TMF1: variants seen among roughly 807,000 people sequenced by gnomAD.
TMF1 encodes the protein TATA element modulatory factor 1.
Under a neutral mutation model 126.5 loss-of-function variants are expected in TMF1, and 71 were observed. The ratio of observed to expected loss-of-function variants is 0.56; its 90% CI spans 0.46 to 0.68. The LOEUF (loss-of-function observed/expected upper bound fraction) is 0.68. Among genes scored for constraint, TMF1 ranks in the 30% least tolerant of loss-of-function variants. The probability of loss-of-function intolerance (pLI) is 0.00; values close to 1 mark genes in which losing one functional copy is unlikely to be tolerated. For synonymous variants in TMF1, 461 were observed against 430.5 expected (o/e 1.07, Z -0.88); for missense variants, 1,259 against 1,253.2 (o/e 1.00, Z -0.07).
At chr3:69,038,815 T>G (rs370837315) in intron 7 of TMF1, 28 bp downstream of exon 7, 6 of 1,583,610 alleles carry the variant, frequency 3.8e-6, no homozygotes, top group Middle Eastern at 3.4e-4. Context: ...TCATTCTAAA[T>G]GGGTTGCATA....
At chr3:69,036,796 TA>T (rs2091833889) in intron 8 of TMF1, among the ~76,000 whole-genome samples, 1 of 152,196 alleles carries the variant, frequency 6.6e-6, no homozygotes, top group South Asian at 2.1e-4. Flanking sequence ...GCAAAAGACC[TA>T]AATGTGAGAG....
chr3:69,032,044 T>C (rs2091806128), intron 10 of TMF1, among the ~76,000 whole-genome samples: 1 of 152,248 alleles, frequency 6.6e-6, no homozygotes, highest in African/African-American at 2.4e-5. Context: ...AAGGTTTATC[T>C]AATTCAGTTC....
intron 1 of TMF1, among the ~76,000 whole-genome samples, chr3:69,049,994 T>TCA (rs2091917214): frequency 6.6e-6 from 1 of 152,138 alleles, no homozygotes; most frequent in Non-Finnish European, 1.5e-5. Flanking sequence ...GCGCAGTGGC[T>TCA]CACGCTTGTA....
Position 69,047,591 on chromosome 3 carries a change from A to T in TMF1, c.1114T>A (p.Ser372Thr). 1 of 1,614,154 alleles carries T rather than the reference A, an allele frequency of 6.2e-7. No individual in the cohort carries two copies. The highest frequency in any genetic ancestry group is 8.5e-7 in the Non-Finnish European group (1 of 1,180,036). ...ACTTCTTCAGATTTTCCTTCAGCAG[A>T]TTCAACTGTTTTAGACTTTGGAGTT... is the stretch of plus-strand genomic sequence containing the variant. Reference protein sequence around the residue: ...SSTPKSKTVESAEGKSEEVNE... With the variant: ...SSTPKSKTVETAEGKSEEVNE... Residue 372 changes from serine to threonine, a missense_variant, in exon 2 of 17, where the codon TCT (serine) becomes ACT (threonine). By Grantham distance (58) the Ser-to-Thr change is moderately conservative. Coordinates refer to ENST00000398559, the MANE Select transcript of TMF1 (RefSeq NM_007114.3).
chr3:69,042,949 G>T (rs1294542542), intron 4 of TMF1, 37 bp from the exon 5 acceptor site: 7 of 1,409,660 alleles, frequency 5.0e-6, no homozygotes, highest in Non-Finnish European at 7.0e-6. Flanking sequence ...CGTAAAGAAT[G>T]ACTTTCACTC....
At chr3:69,046,645 C>A (rs1340267087) in intron 2 of TMF1, among the ~76,000 whole-genome samples, 1 of 152,094 alleles carries the variant, frequency 6.6e-6, no homozygotes, top group Non-Finnish European at 1.5e-5. Context: ...ACAGTAAAAA[C>A]CAAAACTAGG....
chr3:69,029,039 TTTA>T (rs2107456705), intron 11 of TMF1, among the ~76,000 whole-genome samples: 1 of 129,138 alleles, frequency 7.7e-6, no homozygotes, highest in East Asian at 2.7e-4. Context: ...TATTACTTTA[TTTA>T]TTTTTTTTTT....
At chr3:69,029,741 C>T (rs935299916) in intron 11 of TMF1, 74 bp downstream of exon 11, 2 of 1,422,672 alleles carry the variant, frequency 1.4e-6, no homozygotes, top group East Asian at 2.3e-5. Context: ...GCGCCCGGCC[C>T]AACAACATAC....
chr3:69,030,715 C>G (rs2091796377), intron 10 of TMF1: 1 of 151,990 alleles, frequency 6.6e-6, no homozygotes, highest in Non-Finnish European at 1.5e-5. Context: ...GGAAAAAATA[C>G]AAATTAAAAT....
chr3:69,045,586 C>T (rs891463495), intron 2 of TMF1, among the ~76,000 whole-genome samples: 1 of 152,002 alleles, frequency 6.6e-6, no homozygotes, highest in East Asian at 1.9e-4. Context: ...TCAAGACCAG[C>T]CTGACCAACA....
intron 1 of TMF1, 141 bp downstream of exon 1, chr3:69,051,804 C>A: frequency 1.0e-6 from 1 of 995,000 alleles, no homozygotes; most frequent in Non-Finnish European, 1.4e-6. Flanking sequence ...GCTGAAGCAG[C>A]ATTAGGGAAC....
At chr3:69,041,352 A>G (rs934958243) in intron 5 of TMF1, among the ~76,000 whole-genome samples, 1 of 152,212 alleles carries the variant, frequency 6.6e-6, no homozygotes, top group Non-Finnish European at 1.5e-5. Flanking sequence ...AGAGTGTCAT[A>G]CTTATTATTG....
Position 69,020,418 on chromosome 3 carries a change from G to A in TMF1, c.*2759C>T, listed in dbSNP as rs1286203392. On this transcript the variant is annotated 3_prime_UTR_variant, in exon 17 of 17. Transcript: ENST00000398559. ...AATTGGAAGGACATCTACAGTCTGT[G>A]CTTAATTGTCTATAAATGACCAAAC... 1.3e-5 allele frequency: 2 copies of A among 152,110 alleles called. No individual in the cohort carries two copies. The highest frequency in any genetic ancestry group is 2.9e-5 in the Non-Finnish European group (2 of 67,982). The allele number at this position is 152,110 out of a possible 1,614,324, so 9.4% of individuals were successfully genotyped here.
Position 69,021,765 on chromosome 3 carries a change from C to T in TMF1, c.*1412G>A, listed in dbSNP as rs952666621. 4.0e-5 allele frequency: 6 copies of T among 151,696 alleles called. No homozygotes were observed. The highest frequency in any genetic ancestry group is 1.5e-4 in the African/African-American group (6 of 41,262). 9.4% of individuals were successfully genotyped at this position (151,696 alleles called of 1,614,324 possible). ...GCACAATCTTGGCTCATTGTAACCTCCACCTCCCAGGTTCAAGCAATGCTC... is the reference window on the plus strand; with the variant it reads ...GCACAATCTTGGCTCATTGTAACCTTCACCTCCCAGGTTCAAGCAATGCTC... On this transcript the variant is annotated 3_prime_UTR_variant, in exon 17 of 17. Coordinates refer to ENST00000398559, the MANE Select transcript of TMF1 (RefSeq NM_007114.3).
chr3:69,035,036 C>T lies in TMF1; in HGVS notation c.2231G>A (p.Gly744Asp). Residue 744 changes from glycine to aspartate, a missense_variant, in exon 9 of 17, where the codon GGT becomes GAT. Coordinates refer to ENST00000398559, the MANE Select transcript of TMF1 (RefSeq NM_007114.3). ...RKEDYLRHEI[G>D]ELQQRLQEAE... is the part of the protein sequence containing the mutation. ...CTGTGACAGTACCTGCTGAAGTTCA[C>T]CGATCTCATGGCGTAAATAATCCTC... is the stretch of plus-strand genomic sequence containing the variant. The T allele has an allele frequency of 1.2e-6, 2 of 1,614,070 alleles. No individual in the cohort carries two copies. Among genetic ancestry groups the T allele is most frequent in the South Asian group, 1.1e-5 (1 of 91,076 alleles).
Position 69,023,254 on chromosome 3 carries a change from G to A in TMF1, c.3205C>T (p.Leu1069Phe), listed in dbSNP as rs1251565436. The A allele has an allele frequency of 5.6e-6, 9 of 1,612,038 alleles. No individual in the cohort carries two copies. Among genetic ancestry groups the A allele is most frequent in the Non-Finnish European group, 7.6e-6 (9 of 1,178,702 alleles). The change falls in exon 17 of 17, where the codon CTT (leucine) becomes TTT (phenylalanine). Residue 1069 changes from leucine (L) to phenylalanine (F), a missense_variant. Coordinates refer to ENST00000398559, the MANE Select transcript of TMF1 (RefSeq NM_007114.3). The part of the protein sequence containing the change: ...YGEKAEEAEE[L>F]RLDLEDVKNM... ...TTTACATCTTCGAGATCTAATCGAAGTTCTTCTGCCTCTTCTGCTTTTTCT... is the reference window on the plus strand; with the variant it reads ...TTTACATCTTCGAGATCTAATCGAAATTCTTCTGCCTCTTCTGCTTTTTCT...
At chr3:69,039,107 AT>A in intron 6 of TMF1, 98 bp from the exon 7 acceptor site, 9 of 1,036,518 alleles carry the variant, frequency 8.7e-6, no homozygotes, top group South Asian at 2.2e-5. Context: ...AAAAATATAT[AT>A]TTTTTTGAGA....
Position 69,048,438 on chromosome 3 carries a change from C to T in TMF1, c.267G>A (p.Val89=). Residue 89 remains valine (V), a synonymous_variant, in exon 2 of 17, where the codon GTG becomes GTA. Coordinates refer to ENST00000398559, the MANE Select transcript of TMF1 (RefSeq NM_007114.3). The part of the protein sequence containing the change: ...KAITKPVRRT[V]VDESENFFSA... ...TGAAGAAATTTTCAGATTCATCGAC[C>T]ACAGTCCTCCGAACTGGCTTTGTGA... 1 of 1,614,126 alleles carries T rather than the reference C, an allele frequency of 6.2e-7. No individual in the cohort carries two copies. Among genetic ancestry groups the T allele is most frequent in the Non-Finnish European group, 8.5e-7 (1 of 1,180,034 alleles).
chr3:69,043,863 C>G lies in TMF1; in HGVS notation c.1465G>C (p.Val489Leu). 6.2e-7 allele frequency: 1 copy of G among 1,604,142 alleles called. No homozygotes were observed. The highest frequency in any genetic ancestry group is 8.5e-7 in the Non-Finnish European group (1 of 1,175,944). ...FDNLKDEMFR[V>L]KEESSSISSL... The stretch of plus-strand genomic sequence containing the variant: ...GAAATGCTACTGCTTTCTTCTTTCA[C>G]TCTGAACATTTCACTAAATTTAAAA... The change falls in exon 4 of 17, where the codon GTG becomes CTG. Residue 489 changes from valine to leucine, a missense_variant. Transcript: ENST00000398559.
Sources: gnomAD v4.1 joint callset for allele counts (sites outside exome capture counted in the v4.1 genomes callset) on GRCh38, gnomAD v4.1.1 for gene constraint, MANE v1.5 for transcripts, NCBI Gene and HGNC (gene_info 2026-07-23, HGNC 2026-07-21) for gene names.